The following FAM162A variants were observed in gnomAD, a reference collection of about 807,000 sequenced individuals.
FAM162A encodes the protein protein FAM162A.
In FAM162A, 23 loss-of-function variants were observed where a neutral mutation model predicts 21.8. That is an observed-to-expected ratio of 1.05 (90% confidence interval 0.76 to 1.49). The LOEUF (loss-of-function observed/expected upper bound fraction) is 1.49. Among genes scored for constraint, FAM162A ranks in the 40% most tolerant of loss-of-function variants. The pLI, the probability that FAM162A is intolerant of heterozygous loss-of-function variation, is 0.00. For synonymous variants in FAM162A, 53 were observed against 61.3 expected (o/e 0.86, Z 0.64); for missense variants, 165 against 186.4 (o/e 0.89, Z 0.67).
rs1022492247 is a variant in FAM162A at position 122,409,673 on chromosome 3, T to G, written c.373-66T>G. The G allele has an allele frequency of 2.1e-6, 3 of 1,403,528 alleles. No individual in the cohort carries two copies. The African/African-American group carries it at 4.3e-5, about 20-fold the overall frequency. 86.9% of individuals were successfully genotyped at this position (1,403,528 alleles called of 1,614,324 possible). A position where few individuals can be genotyped will look rare whatever the true frequency, so the allele number is the denominator to read the frequency against. ...GCCTCTGTTAACCTGCTGTCATCAG[T>G]GCAAGGTAAAGACACCCTCCCCTGA... is the stretch of plus-strand genomic sequence containing the variant. On this transcript the variant is annotated intron_variant, in intron 4 of 4. Transcript: ENST00000477892.
intron 1 of FAM162A, among the ~76,000 whole-genome samples, chr3:122,390,093 C>T (rs1193390598): frequency 6.6e-6 from 1 of 151,942 alleles, no homozygotes; most frequent in Non-Finnish European, 1.5e-5. Context: ...TATGATCTCT[C>T]CACTGCCCTT....
chr3:122,398,464 A>G (rs1465154466), intron 1 of FAM162A, among the ~76,000 whole-genome samples: 1 of 152,226 alleles, frequency 6.6e-6, no homozygotes, highest in Non-Finnish European at 1.5e-5. Flanking sequence ...CATTCTTGCT[A>G]AAAGATCTAA....
Position 122,397,436 on chromosome 3 carries a change from TAC to T in FAM162A, c.35-5323_35-5322del, listed in dbSNP as rs1466560682. On this transcript the variant is annotated intron_variant, in intron 1 of 4. Coordinates refer to ENST00000477892, the MANE Select transcript of FAM162A (RefSeq NM_014367.4). Reference sequence around the variant, plus strand: ...CCACAAAGGTCTGAGGGCACACTCTTACTGCATTCAATACAAGTCTTGGACAT... The same window carrying T: ...CCACAAAGGTCTGAGGGCACACTCTTTGCATTCAATACAAGTCTTGGACAT... Among the ~76,000 whole-genome samples, 4 of 152,338 alleles carry T rather than the reference TAC, an allele frequency of 2.6e-5. No individual in the cohort carries two copies. The East Asian group carries it at 7.7e-4, about 29-fold the overall frequency.
At chr3:122,403,419 TTA>T (rs2075661576) in intron 2 of FAM162A, among the ~76,000 whole-genome samples, 1 of 152,200 alleles carries the variant, frequency 6.6e-6, no homozygotes, top group African/African-American at 2.4e-5. Context: ...AGTCCAGAAA[TTA>T]TGTTTTAAAG....
chr3:122,392,286 T>C (rs929439995), intron 1 of FAM162A, among the ~76,000 whole-genome samples: 1 of 152,152 alleles, frequency 6.6e-6, no homozygotes, highest in Admixed American at 6.5e-5. Context: ...CCGGTTAACC[T>C]TGTTCCTTTT....
intron 1 of FAM162A, among the ~76,000 whole-genome samples, chr3:122,384,626 C>T (rs1429648215): frequency 6.6e-6 from 1 of 152,026 alleles, no homozygotes; most frequent in Non-Finnish European, 1.5e-5. Flanking sequence ...CCCTAGACCT[C>T]CCCTTTACCC....
chr3:122,390,598 C>G (rs1216939906), intron 1 of FAM162A, among the ~76,000 whole-genome samples: 2 of 152,198 alleles, frequency 1.3e-5, no homozygotes, highest in African/African-American at 4.8e-5. Flanking sequence ...TTCAACCAGC[C>G]TCACCCTGGC....
intron 1 of FAM162A, among the ~76,000 whole-genome samples, chr3:122,400,569 A>G (rs2075648196): frequency 6.6e-6 from 1 of 152,198 alleles, no homozygotes; most frequent in African/African-American, 2.4e-5. Context: ...TCACACCTGT[A>G]ATCCCAGCAC....
At chr3:122,407,561 A>G (rs1378425186) in intron 4 of FAM162A, 172 bp downstream of exon 4, 1 of 515,104 alleles carries the variant, frequency 1.9e-6, no homozygotes, top group East Asian at 2.9e-5. Context: ...CTGGAATATC[A>G]TCCTTGGGGA....
intron 1 of FAM162A, among the ~76,000 whole-genome samples, chr3:122,394,841 A>G (rs1465125924): frequency 6.6e-6 from 1 of 152,190 alleles, no homozygotes; most frequent in African/African-American, 2.4e-5. Flanking sequence ...CAAGAAAACT[A>G]TAGACCCATA....
At chr3:122,395,997 A>G (rs2075625349) in intron 1 of FAM162A, among the ~76,000 whole-genome samples, 1 of 152,214 alleles carries the variant, frequency 6.6e-6, no homozygotes, top group Non-Finnish European at 1.5e-5. Flanking sequence ...TTTACATGCC[A>G]AAGAATGAAT....
chr3:122,408,653 C>T (rs2075687886), intron 4 of FAM162A, among the ~76,000 whole-genome samples: 1 of 152,158 alleles, frequency 6.6e-6, no homozygotes, highest in African/African-American at 2.4e-5. Flanking sequence ...CCTCTTTGAC[C>T]TCTCATGCAT....
rs1560004344 is a variant in FAM162A, at chr3:122,412,142, TACCACAA to T, written c.*2314_*2320del. 6.6e-6 allele frequency: 1 copy of T among 152,170 alleles called. No homozygotes were observed. Among genetic ancestry groups the T allele is most frequent in the Non-Finnish European group, 1.5e-5 (1 of 68,018 alleles). 9.4% of individuals were successfully genotyped at this position (152,170 alleles called of 1,614,324 possible). A position where few individuals can be genotyped will look rare whatever the true frequency, so the allele number is the denominator to read the frequency against. ...AAACTGAATGAGCACTACTATAAGG[TACCACAA>T]ACTACAAAAGGAGACAGTTTTGCCC... On this transcript the variant is annotated 3_prime_UTR_variant, in exon 5 of 5. Coordinates refer to ENST00000477892, the MANE Select transcript of FAM162A (RefSeq NM_014367.4).
chr3:122,400,998 A>G (rs2075650824), intron 1 of FAM162A, among the ~76,000 whole-genome samples: 1 of 152,326 alleles, frequency 6.6e-6, no homozygotes, highest in South Asian at 2.1e-4. Context: ...TTTGTTTTCC[A>G]TATATACTTA....
chr3:122,407,522 C>CA, intron 4 of FAM162A, 133 bp downstream of exon 4: 1 of 619,466 alleles, frequency 1.6e-6, no homozygotes, highest in Non-Finnish European at 2.8e-6. Flanking sequence ...AAAAGATAAG[C>CA]AAAAAAATAA....
chr3:122,408,095 C>T (rs970907366), intron 4 of FAM162A: 1 of 152,170 alleles, frequency 6.6e-6, no homozygotes, highest in African/African-American at 2.4e-5. Context: ...ACAGTGTGAA[C>T]CTAGACCCAA....
intron 1 of FAM162A, among the ~76,000 whole-genome samples, chr3:122,388,773 G>C (rs2075585915): frequency 6.6e-6 from 1 of 152,192 alleles, no homozygotes; most frequent in Admixed American, 6.5e-5. Context: ...TTCATGACCG[G>C]GCACGGTGGC....
chr3:122,402,933 GA>G (rs780909103), intron 2 of FAM162A, 51 bp downstream of exon 2: 2 of 1,544,916 alleles, frequency 1.3e-6, no homozygotes, highest in Non-Finnish European at 1.7e-6. Flanking sequence ...CAAAGAGTAG[GA>G]AAACTTGGAA....
At chr3:122,392,970 T>C (rs1182226595) in intron 1 of FAM162A, among the ~76,000 whole-genome samples, 1 of 152,182 alleles carries the variant, frequency 6.6e-6, no homozygotes, top group Non-Finnish European at 1.5e-5. Flanking sequence ...TGCTCCCATA[T>C]TTGCTTTTCC....
Sources: allele counts gnomAD v4.1 joint callset (sites outside exome capture counted in the v4.1 genomes callset), GRCh38; gene constraint gnomAD v4.1.1; transcripts MANE v1.5; gene names NCBI Gene and HGNC (gene_info 2026-07-23, HGNC 2026-07-21).